Variants in ABCF2 observed in about 807,000 individuals in gnomAD.
ABCF2 encodes ATP binding cassette subfamily F member 2, also known as ATP-binding cassette sub-family F member 2.
ABCF2 carries 37 observed loss-of-function variants against 76.9 expected under a neutral mutation model. That is an observed-to-expected ratio of 0.48 (90% CI 0.37 to 0.63). ABCF2 has a LOEUF of 0.63. Ranked by LOEUF, ABCF2 falls within the 30% of genes least tolerant of loss-of-function variation. The pLI is 0.00. For missense variants in ABCF2, 524 were observed against 782.1 expected, an observed-to-expected ratio of 0.67 and a Z score of 3.94; for synonymous variants, 299 against 283.7, an observed-to-expected ratio of 1.05 and a Z score of -0.54.
At chr7:151,220,362 C>A (rs1329366581) in intron 7 of ABCF2, among the ~76,000 whole-genome samples, 1 of 141,796 alleles carries the variant, frequency 7.1e-6, no homozygotes, top group Non-Finnish European at 1.5e-5. Flanking sequence ...GCACTCCAGC[C>A]TGGCGACGGA....
rs1463329917 is a variant in ABCF2 at position 151,226,334 on chromosome 7, T to C, written c.125A>G (p.Lys42Arg). 1.9e-6 allele frequency: 3 copies of C among 1,614,170 alleles called. No homozygotes were observed. Among genetic ancestry groups the C allele is most frequent in the Non-Finnish European group, 2.5e-6 (3 of 1,180,018 alleles). ...GGTCTCTCTGCCATTGGCCTCATTC[T>C]TCTCTGCCACCTGTGGTTCTGTGAC... ...DVVTEPQVAE[K>R]NEANGRETTE... Residue 42 changes from lysine to arginine, a missense_variant, in exon 2 of 15, where the codon AAG becomes AGG. Transcript: ENST00000287844.
chr7:151,213,197 T>TG lies in ABCF2; in HGVS notation c.*856dup. The TG allele has an allele frequency of 6.1e-6, 6 of 983,774 alleles. No individual in the cohort carries two copies. Among genetic ancestry groups the TG allele is most frequent in the Non-Finnish European group, 7.2e-6 (6 of 828,458 alleles). The allele number at this position is 983,774 out of a possible 1,614,324, so 60.9% of individuals were successfully genotyped here. On this transcript the variant is annotated 3_prime_UTR_variant, in exon 15 of 15. Coordinates refer to ENST00000287844, the MANE Select transcript of ABCF2 (RefSeq NM_007189.3). ...GCAACAACAGCATCACCTGGAAACT[T>TG]GCTAGAAATGTTAACGTTCTTGGTC...
intron 7 of ABCF2, 21 bp from the exon 8 acceptor site, chr7:151,219,180 T>C: frequency 1.9e-6 from 3 of 1,607,824 alleles, no homozygotes; most frequent in Non-Finnish European, 2.6e-6. Context: ...ATGTGCCAGG[T>C]AAGGCAGGCA....
At position 151,220,543 on chromosome 7, in the gene ABCF2, C is replaced by T. The variant is rs530811840; in HGVS notation, c.921+1035G>A. Among the ~76,000 whole-genome samples, 6 of 152,274 alleles carry T rather than the reference C, an allele frequency of 3.9e-5. No individual in the cohort carries two copies. The South Asian group carries it at 6.2e-4, about 16-fold the overall frequency. On this transcript the variant is annotated intron_variant, in intron 7 of 14. Transcript: ENST00000287844. ...GACTATGAATGAAGAGGACATCAATCGTTAGTTTCTTACATGCTTTTTGAA... is the reference window on the plus strand; with the variant it reads ...GACTATGAATGAAGAGGACATCAATTGTTAGTTTCTTACATGCTTTTTGAA...
chr7:151,212,403 A>G lies in ABCF2; in HGVS notation c.*1651T>C. The stretch of plus-strand genomic sequence containing the variant: ...TGTATCCCAATAGGAAGAGAGGTTC[A>G]CAGACGTTGGTGTGAAAATGCAAAC... On this transcript the variant is annotated 3_prime_UTR_variant, in exon 15 of 15. Coordinates refer to ENST00000287844, the MANE Select transcript of ABCF2 (RefSeq NM_007189.3). The G allele has an allele frequency of 2.0e-6, 2 of 985,504 alleles. No homozygotes were observed. The highest frequency in any genetic ancestry group is 2.4e-6 in the Non-Finnish European group (2 of 829,948). The allele number at this position is 985,504 out of a possible 1,614,324, so 61.0% of individuals were successfully genotyped here.
rs770388025 is a variant in ABCF2, at chr7:151,219,127, T to A, written c.954A>T (p.Leu318=). The part of the protein sequence containing the change: ...GNYDQYVKTR[L]ELEENQMKRF... ...TCTTCATCTGGTTCTCCTCCAGCTC[T>A]AGCCGCGTCTTCACGTACTGATCAT... The change falls in exon 8 of 15, where the codon CTA becomes CTT. Residue 318 remains leucine, a synonymous_variant. Coordinates refer to ENST00000287844, the MANE Select transcript of ABCF2 (RefSeq NM_007189.3). 1 of 1,614,042 alleles carries A rather than the reference T, an allele frequency of 6.2e-7. No individual in the cohort carries two copies. The highest frequency in any genetic ancestry group is 1.1e-5 in the South Asian group (1 of 91,076).
intron 6 of ABCF2, 90 bp downstream of exon 6, chr7:151,222,431 G>T: frequency 9.5e-7 from 1 of 1,056,844 alleles, no homozygotes; most frequent in Non-Finnish European, 1.4e-6. Flanking sequence ...CTTTCTCACC[G>T]CTCTAACATC....
At chr7:151,220,463 T>C (rs551801653) in intron 7 of ABCF2, among the ~76,000 whole-genome samples, 53 of 151,748 alleles carry the variant, frequency 3.5e-4, no homozygotes, top group Admixed American at 7.9e-4. Context: ...TCTACAAATG[T>C]GTGCAAGTAT....
intron 7 of ABCF2, 143 bp from the exon 8 acceptor site, chr7:151,219,302 T>C: frequency 1.4e-6 from 1 of 719,026 alleles, no homozygotes; most frequent in Non-Finnish European, 2.5e-6. Flanking sequence ...AGGACGTGCA[T>C]TACAGAAGCA....
chr7:151,225,737 T>A (rs1267780533), intron 2 of ABCF2, among the ~76,000 whole-genome samples: 1 of 152,232 alleles, frequency 6.6e-6, no homozygotes, highest in Non-Finnish European at 1.5e-5. Flanking sequence ...TGGAATAGTC[T>A]TTACCGCATA....
At chr7:151,220,166 C>T (rs552838350) in intron 7 of ABCF2, among the ~76,000 whole-genome samples, 92 of 151,216 alleles carry the variant, frequency 6.1e-4, no homozygotes, top group African/African-American at 2.0e-3. Flanking sequence ...CCGAGGCAGG[C>T]GGATCATGAG....
intron 7 of ABCF2, among the ~76,000 whole-genome samples, chr7:151,220,849 A>T (rs538898082): frequency 1.1e-4 from 17 of 152,202 alleles, no homozygotes; most frequent in Non-Finnish European, 2.1e-4. Flanking sequence ...CTAGCCAGAC[A>T]TGGCAGTGCA....
Position 151,218,001 on chromosome 7 carries a change from A to G in ABCF2, c.1338+80T>C, listed in dbSNP as rs988165558. The G allele has an allele frequency of 1.3e-5, 14 of 1,051,344 alleles. No individual in the cohort carries two copies. The African/African-American group carries it at 1.7e-4, about 13-fold the overall frequency. The allele number at this position is 1,051,344 out of a possible 1,614,324, so 65.1% of individuals were successfully genotyped here. A position where few individuals can be genotyped will look rare whatever the true frequency, so the allele number is the denominator to read the frequency against. On this transcript the variant is annotated intron_variant, in intron 11 of 14. Transcript: ENST00000287844. The stretch of plus-strand genomic sequence containing the variant: ...GGTACTCAGGCCCTCCCAAAGTAGT[A>G]GCCCCTGCATCACTCCCCTCTTCCT...
At chr7:151,221,511 T>A in intron 7 of ABCF2, 67 bp downstream of exon 7, 1 of 1,162,668 alleles carries the variant, frequency 8.6e-7, no homozygotes, top group South Asian at 1.4e-5. Context: ...TTTTTTTTTT[T>A]TTTTAAAGAG....
In ABCF2 at chr7:151,214,978, A is replaced by G. The variant is rs1802121518; in HGVS notation, c.1635T>C (p.Asn545=). 1 of 1,614,180 alleles carries G rather than the reference A, an allele frequency of 6.2e-7. No homozygotes were observed. The highest frequency in any genetic ancestry group is 8.5e-7 in the Non-Finnish European group (1 of 1,180,022). The part of the protein sequence containing the change: ...PHMLFLDEPT[N]HLDIETIDAL... ...CGTCGATGGTCTCGATATCCAGGTG[A>G]TTGGTGGGTTCATCCAGGAAGAGCA... is the stretch of plus-strand genomic sequence containing the variant. The change falls in exon 14 of 15, where the codon AAT becomes AAC. Residue 545 remains asparagine (N), a synonymous_variant. Transcript: ENST00000287844. The surrounding 1 kb of genome is among the most constrained non-coding windows in gnomAD (Gnocchi z 4.9).
At position 151,218,893 on chromosome 7, in the gene ABCF2, G is replaced by C. The variant is rs375328067; in HGVS notation, c.1018-20C>G. On this transcript the variant is annotated intron_variant, in intron 8 of 14. Coordinates refer to ENST00000287844, the MANE Select transcript of ABCF2 (RefSeq NM_007189.3). The stretch of plus-strand genomic sequence containing the variant: ...GTAGTTCTAAAAAAGACCAAAGAGA[G>C]CTTGGAGTATGTGCAGGCGCTCAAC... The C allele has an allele frequency of 2.5e-6, 4 of 1,612,912 alleles. No homozygotes were observed. The highest frequency in any genetic ancestry group is 3.4e-6 in the Non-Finnish European group (4 of 1,179,986).
chr7:151,221,532 A>G, intron 7 of ABCF2, 46 bp downstream of exon 7: 1 of 1,168,788 alleles, frequency 8.6e-7, no homozygotes, highest in Non-Finnish European at 1.2e-6. Context: ...AATTTCAGAG[A>G]ATTGGTATGC....
At chr7:151,220,345 C>T (rs1353972674) in intron 7 of ABCF2, among the ~76,000 whole-genome samples, 26 of 144,652 alleles carry the variant, frequency 1.8e-4, no homozygotes, top group African/African-American at 2.8e-4. Flanking sequence ...GCCCAGATCG[C>T]GCCACTGCAC....
At chr7:151,219,650 T>C (rs1355026220) in intron 7 of ABCF2, among the ~76,000 whole-genome samples, 2 of 152,178 alleles carry the variant, frequency 1.3e-5, no homozygotes, top group Admixed American at 1.3e-4. Context: ...TCAAGCTAAA[T>C]ATCCACCAGA....
Sources: gnomAD v4.1 joint callset for allele counts (sites outside exome capture counted in the v4.1 genomes callset) on GRCh38, gnomAD v4.1.1 for gene constraint, Gnocchi (gnomAD v3.1) non-coding constraint, MANE v1.5 for transcripts, NCBI Gene and HGNC (gene_info 2026-07-23, HGNC 2026-07-21) for gene names.